The following SEMA3A variants were observed in gnomAD, a reference collection of about 807,000 sequenced individuals.
SEMA3A encodes the protein semaphorin-3A.
A neutral mutation model predicts 97.9 loss-of-function variants in SEMA3A; 29 were observed. The observed-to-expected ratio is 0.30, with a 90% CI of 0.22 to 0.40. The LOEUF (loss-of-function observed/expected upper bound fraction) is 0.40, where lower values mean the gene tolerates loss of function less well. Ranked by LOEUF, SEMA3A falls within the 10% of genes least tolerant of loss-of-function variation. SEMA3A has a pLI of 1.00. For missense variants in SEMA3A, 763 were observed against 951.3 expected (o/e 0.80, Z 2.60); for synonymous variants, 321 against 323.7 (o/e 0.99, Z 0.09).
intron 3 of SEMA3A, among the ~76,000 whole-genome samples, chr7:84,259,900 C>A (rs1799807995): frequency 6.6e-6 from 1 of 152,056 alleles, no homozygotes; most frequent in Non-Finnish European, 1.5e-5. Flanking sequence ...AGGCAAGCCC[C>A]TGGCTGTTCT....
At chr7:84,363,948 C>T (rs1802784646) in intron 2 of SEMA3A, among the ~76,000 whole-genome samples, 1 of 151,666 alleles carries the variant, frequency 6.6e-6, no homozygotes, top group Non-Finnish European at 1.5e-5. Flanking sequence ...GTGCCATCAC[C>T]ACAGATTGAA....
At chr7:84,345,966 GT>G (rs1294263121) in intron 2 of SEMA3A, among the ~76,000 whole-genome samples, 2 of 152,202 alleles carry the variant, frequency 1.3e-5, no homozygotes, top group Non-Finnish European at 1.5e-5. Flanking sequence ...CCATTAGACA[GT>G]TTTTTCATCT....
intron 2 of SEMA3A, among the ~76,000 whole-genome samples, chr7:84,338,825 A>C (rs1802095231): frequency 6.6e-6 from 1 of 152,186 alleles, no homozygotes; most frequent in South Asian, 2.1e-4. Flanking sequence ...ACACTCCTTA[A>C]AAGAAGAGGG....
rs779632421 is a variant in SEMA3A at position 84,134,904 on chromosome 7, T to C, written c.160A>G (p.Ser54Gly). 3.7e-5 allele frequency: 60 copies of C among 1,613,894 alleles called. No individual in the cohort carries two copies. The highest frequency in any genetic ancestry group is 4.9e-5 in the Non-Finnish European group (58 of 1,179,954). ...NVITFNGLAN[S>G]SSYHTFLLDE... ...AAAAGGAAGGTATGATAACTGGAGCTGTTGGCCAAGCCATTGAAAGTGATC... is the reference window on the plus strand; with the variant it reads ...AAAAGGAAGGTATGATAACTGGAGCCGTTGGCCAAGCCATTGAAAGTGATC... Residue 54 changes from serine (S) to glycine (G), a missense_variant, in exon 2 of 17, where the codon AGC (serine) becomes GGC (glycine). Physicochemically the swap from Ser to Gly is moderately conservative, Grantham distance 56. Around this residue, in one of 2 missense-constraint regions of SEMA3A, gnomAD observed 85 missense variants for 70.0 expected, o/e 1.21. Transcript: ENST00000265362.
At chr7:84,321,906 G>C (rs770954272) in intron 2 of SEMA3A, among the ~76,000 whole-genome samples, 2 of 81,956 alleles carry the variant, frequency 2.4e-5, no homozygotes. Context: ...AAAAGAAGAA[G>C]AAGAAGGAGG....
chr7:84,093,717 G>A (rs1037431280), intron 4 of SEMA3A, among the ~76,000 whole-genome samples: 11 of 152,034 alleles, frequency 7.2e-5, no homozygotes, highest in Admixed American at 1.3e-4. Flanking sequence ...GACACTGCAT[G>A]TTCTCATTTA....
intron 4 of SEMA3A, among the ~76,000 whole-genome samples, chr7:84,097,601 T>C (rs1275064903): frequency 6.6e-6 from 1 of 152,012 alleles, no homozygotes; most frequent in Non-Finnish European, 1.5e-5. Flanking sequence ...ATGGATAAAA[T>C]GGCAGACTGG....
At chr7:84,391,241 A>G (rs1183791498) in intron 1 of SEMA3A, among the ~76,000 whole-genome samples, 1 of 152,212 alleles carries the variant, frequency 6.6e-6, no homozygotes, top group East Asian at 1.9e-4. Flanking sequence ...ATGTGTCAGC[A>G]ATTGATGTTG....
Position 84,032,350 on chromosome 7 carries a change from A to T in SEMA3A, c.667+13974T>A, listed in dbSNP as rs1266441361. 4.6e-5 allele frequency among the ~76,000 whole-genome samples: 7 copies of T among 152,342 alleles called. No individual in the cohort carries two copies. In the South Asian group the frequency reaches 1.4e-3, roughly 32 times the overall value. ...ATAACATGAATGCGATTATAGATAGAACCTAATTATACTGATTGCTACACA... is the reference window on the plus strand; with the variant it reads ...ATAACATGAATGCGATTATAGATAGTACCTAATTATACTGATTGCTACACA... On this transcript the variant is annotated intron_variant, in intron 6 of 16. Transcript: ENST00000265362.
intron 1 of SEMA3A, among the ~76,000 whole-genome samples, chr7:84,183,119 C>A (rs780980287): frequency 6.6e-6 from 1 of 152,112 alleles, no homozygotes; most frequent in Non-Finnish European, 1.5e-5. Flanking sequence ...ACTGGTTGGG[C>A]ACTTTACACC....
chr7:84,297,788 T>A (rs760279497), intron 3 of SEMA3A, among the ~76,000 whole-genome samples: 1 of 152,152 alleles, frequency 6.6e-6, no homozygotes, highest in Admixed American at 6.6e-5. Context: ...TAGACATAAA[T>A]TGTTGCAAAG....
chr7:84,346,755 A>G (rs932699677), intron 2 of SEMA3A, among the ~76,000 whole-genome samples: 1 of 152,238 alleles, frequency 6.6e-6, no homozygotes, highest in African/African-American at 2.4e-5. Flanking sequence ...GAAAAACTTT[A>G]AAATAATTCA....
At chr7:83,999,038 A>G (rs1481544512) in intron 12 of SEMA3A, among the ~76,000 whole-genome samples, 1 of 152,186 alleles carries the variant, frequency 6.6e-6, no homozygotes, top group African/African-American at 2.4e-5. Context: ...ATGTTTTATA[A>G]GTAATTTTTT....
At chr7:84,141,242 A>G (rs1025905479) in intron 1 of SEMA3A, among the ~76,000 whole-genome samples, 2 of 152,156 alleles carry the variant, frequency 1.3e-5, no homozygotes, top group Admixed American at 6.5e-5. Flanking sequence ...TAAAATATGC[A>G]TCAAGCTTAC....
intron 6 of SEMA3A, among the ~76,000 whole-genome samples, chr7:84,020,468 G>T: frequency 2.7e-5 from 4 of 150,038 alleles, no homozygotes; most frequent in Admixed American, 6.6e-5. Flanking sequence ...TCAAAATTCT[G>T]GATAAAAATT....
At chr7:84,330,013 A>G (rs747331293) in intron 2 of SEMA3A, among the ~76,000 whole-genome samples, 36 of 152,196 alleles carry the variant, frequency 2.4e-4, no homozygotes, top group Non-Finnish European at 4.7e-4. Context: ...ATAATAATCC[A>G]TATCAGATTC....
At chr7:84,280,217 A>G (rs1243001462) in intron 3 of SEMA3A, among the ~76,000 whole-genome samples, 3 of 152,056 alleles carry the variant, frequency 2.0e-5, no homozygotes, top group Admixed American at 6.6e-5. Flanking sequence ...AATAAAAGTT[A>G]TTTCAGTCAT....
intron 13 of SEMA3A, 135 bp from the exon 14 acceptor site, chr7:83,981,613 A>G: frequency 1.3e-6 from 1 of 749,380 alleles, no homozygotes; most frequent in South Asian, 2.7e-5. Context: ...CTTTATTGCT[A>G]ATTTCTTTAA....
At chr7:84,030,461 A>T (rs1791700505) in intron 6 of SEMA3A, among the ~76,000 whole-genome samples, 2 of 152,142 alleles carry the variant, frequency 1.3e-5, no homozygotes, top group African/African-American at 4.8e-5. Flanking sequence ...TAAAAGTTTC[A>T]GTGCTTCAGC....
Sources: gnomAD v4.1 joint callset for allele counts (sites outside exome capture counted in the v4.1 genomes callset) on GRCh38, gnomAD v4.1.1 for gene constraint, gnomAD v4.1.1 regional missense constraint, MANE v1.5 for transcripts, NCBI Gene and HGNC (gene_info 2026-07-23, HGNC 2026-07-21) for gene names.